The following JAK1 variants were observed in gnomAD, a reference collection of about 807,000 sequenced individuals.
JAK1 encodes the protein tyrosine-protein kinase JAK1.
Under a neutral mutation model 136.6 loss-of-function variants are expected in JAK1, and 16 were observed. That is an observed-to-expected ratio of 0.12 (90% CI 0.08 to 0.18). JAK1 has a LOEUF of 0.18. JAK1 is among the 10% of genes least tolerant of loss of function. The probability of loss-of-function intolerance (pLI) is 1.00; values close to 1 mark genes in which losing one functional copy is unlikely to be tolerated. For missense variants in JAK1, 859 were observed against 1,450.1 expected (o/e 0.59, Z 6.62); for synonymous variants, 492 against 519.5 (o/e 0.95, Z 0.72).
intron 1 of JAK1, among the ~76,000 whole-genome samples, chr1:64,959,747 T>C (rs1646250078): frequency 6.6e-6 from 1 of 152,226 alleles, no homozygotes; most frequent in African/African-American, 2.4e-5. Context: ...GTCTACGTAA[T>C]AAACCCTTCT....
intron 2 of JAK1, among the ~76,000 whole-genome samples, chr1:65,027,930 T>G (rs556789070): frequency 5.9e-4 from 90 of 152,312 alleles, no homozygotes; most frequent in Non-Finnish European, 9.3e-4. Context: ...AAGGGAAGTC[T>G]GCGTGGCACG....
intron 2 of JAK1, chr1:64,985,371 A>G: frequency 1.2e-6 from 2 of 1,611,256 alleles, no homozygotes; most frequent in African/African-American, 1.3e-5. Flanking sequence ...CTCATCTTTC[A>G]TCTCCTGGAT....
At chr1:64,871,435 G>A (rs1380165281) in intron 5 of JAK1, among the ~76,000 whole-genome samples, 5 of 152,172 alleles carry the variant, frequency 3.3e-5, no homozygotes, top group Non-Finnish European at 2.9e-5. Context: ...GTCCAGGAAC[G>A]GGTGACTAAG....
chr1:64,979,298 C>A (rs1037585052), intron 2 of JAK1, among the ~76,000 whole-genome samples: 4 of 152,118 alleles, frequency 2.6e-5, no homozygotes, highest in African/African-American at 9.7e-5. Flanking sequence ...TACTTGGAAG[C>A]TGAGGTGGGA....
chr1:64,957,282 G>A (rs1427124098), intron 1 of JAK1, among the ~76,000 whole-genome samples: 1 of 152,152 alleles, frequency 6.6e-6, no homozygotes, highest in Non-Finnish European at 1.5e-5. Flanking sequence ...TTACTACCCT[G>A]CTTAAAAACT....
chr1:64,868,600 A>G (rs1329237701), intron 6 of JAK1, among the ~76,000 whole-genome samples: 1 of 152,176 alleles, frequency 6.6e-6, no homozygotes, highest in African/African-American at 2.4e-5. Context: ...TCTGCTCTAG[A>G]CTCTGGTCAA....
chr1:65,010,961 C>G (rs1160909939), intron 2 of JAK1, among the ~76,000 whole-genome samples: 1 of 152,156 alleles, frequency 6.6e-6, no homozygotes, highest in Admixed American at 6.5e-5. Context: ...GCACTCCAAC[C>G]TGGGTAACAG....
chr1:64,878,577 ATATATATATATATAT>A, intron 4 of JAK1, among the ~76,000 whole-genome samples: 1 of 59,872 alleles, frequency 1.7e-5, no homozygotes, highest in Non-Finnish European at 3.1e-5. Flanking sequence ...ATATATATAT[ATATATATATATATAT>A]ATATATATAT....
At chr1:64,985,409 C>A in intron 2 of JAK1, 1 of 1,610,072 alleles carries the variant, frequency 6.2e-7, no homozygotes, top group Admixed American at 1.7e-5. Context: ...GGGTGCCCCA[C>A]AACCACTGGA....
At chr1:65,047,580 G>C (rs535350428) in intron 1 of JAK1, among the ~76,000 whole-genome samples, 2 of 152,076 alleles carry the variant, frequency 1.3e-5, no homozygotes, top group Non-Finnish European at 2.9e-5. Context: ...TTAGCCGGGC[G>C]TGGTGGCAGG....
Position 64,841,593 on chromosome 1 carries a change from T to C in JAK1, c.2412A>G (p.Arg804=). 1.9e-6 allele frequency: 3 copies of C among 1,613,858 alleles called. No individual in the cohort carries two copies. Among genetic ancestry groups the C allele is most frequent in the Non-Finnish European group, 1.7e-6 (2 of 1,180,032 alleles). ...CTGGCCTGCACCGGCTTTCATAGAATCTCTCTTTCTGTAAACAAGAGGGGC... is the reference window on the plus strand; with the variant it reads ...CTGGCCTGCACCGGCTTTCATAGAACCTCTCTTTCTGTAAACAAGAGGGGC... ...LKDKTLIEKE[R]FYESRCRPVT... Residue 804 remains arginine (R), a synonymous_variant, in exon 18 of 25, where the codon AGA becomes AGG. Transcript: ENST00000342505.
intron 2 of JAK1, among the ~76,000 whole-genome samples, chr1:65,034,592 T>C (rs190702061): frequency 2.2e-4 from 33 of 152,342 alleles, no homozygotes; most frequent in Admixed American, 4.6e-4. Context: ...GCTTTCTTCC[T>C]GTGGTTTCTC....
intron 1 of JAK1, among the ~76,000 whole-genome samples, chr1:64,943,411 G>A (rs1645925221): frequency 6.6e-6 from 1 of 152,086 alleles, no homozygotes; most frequent in Non-Finnish European, 1.5e-5. Flanking sequence ...TTTTTATAGA[G>A]TTTTAGTGTA....
intron 1 of JAK1, among the ~76,000 whole-genome samples, chr1:64,960,204 G>A (rs1646257840): frequency 6.6e-6 from 1 of 152,132 alleles, no homozygotes; most frequent in Non-Finnish European, 1.5e-5. Flanking sequence ...CTTCAGCCTG[G>A]GTGACAGCGC....
rs1286252055 is a variant in JAK1 at position 64,867,094 on chromosome 1, CTTG to C, written c.759_761del (p.Asn253del). The C allele has an allele frequency of 1.9e-6, 3 of 1,614,010 alleles. No individual in the cohort carries two copies. The highest frequency in any genetic ancestry group is 2.2e-5 in the South Asian group (2 of 91,076). On this transcript the variant is annotated inframe_deletion, in exon 7 of 25. Transcript: ENST00000342505. ...TGGACACGCTGCTGTCACAAATGGT[CTTG>C]TTGTTAAATTCCTTTAGGAAATCCT...
At chr1:64,954,070 G>A (rs1055782031) in intron 1 of JAK1, among the ~76,000 whole-genome samples, 1 of 152,150 alleles carries the variant, frequency 6.6e-6, no homozygotes, top group African/African-American at 2.4e-5. Context: ...AAAAACATTA[G>A]GTTAGAAGAA....
chr1:65,044,344 T>C (rs1439346426), intron 2 of JAK1, among the ~76,000 whole-genome samples: 1 of 152,136 alleles, frequency 6.6e-6, no homozygotes, highest in Non-Finnish European at 1.5e-5. Context: ...GGTCAGATGT[T>C]TTTCAGTGAG....
At chr1:65,040,457 T>A (rs1647119774) in intron 2 of JAK1, among the ~76,000 whole-genome samples, 1 of 152,180 alleles carries the variant, frequency 6.6e-6, no homozygotes, top group Non-Finnish European at 1.5e-5. Context: ...CTGACCCACC[T>A]GGGTAATCCA....
intron 1 of JAK1, among the ~76,000 whole-genome samples, chr1:64,924,094 G>A (rs1645542209): frequency 6.6e-6 from 1 of 152,178 alleles, no homozygotes; most frequent in Non-Finnish European, 1.5e-5. Flanking sequence ...AATGCAGTCA[G>A]ATACTTGCAT....
Sources: allele counts gnomAD v4.1 joint callset (sites outside exome capture counted in the v4.1 genomes callset), GRCh38; gene constraint gnomAD v4.1.1; transcripts MANE v1.5; gene names NCBI Gene and HGNC (gene_info 2026-07-23, HGNC 2026-07-21).